MCTP1: variants seen among roughly 807,000 people sequenced by gnomAD.
MCTP1 encodes the protein multiple C2 and transmembrane domain-containing protein 1.
Under a neutral mutation model 120.6 loss-of-function variants are expected in MCTP1, and 69 were observed. The ratio of observed to expected loss-of-function variants is 0.57; its 90% CI spans 0.47 to 0.70. MCTP1 has a LOEUF of 0.70. Ranked by LOEUF, MCTP1 falls within the 30% of genes least tolerant of loss-of-function variation. The probability of loss-of-function intolerance (pLI) is 0.00; values close to 1 mark genes in which losing one functional copy is unlikely to be tolerated. For missense variants in MCTP1, 1,203 were observed against 1,248.8 expected, an observed-to-expected ratio of 0.96 and a Z score of 0.55; for synonymous variants, 529 against 493.1, an observed-to-expected ratio of 1.07 and a Z score of -0.96.
chr5:95,096,692 A>G (rs1756294896), intron 1 of MCTP1, among the ~76,000 whole-genome samples: 1 of 152,228 alleles, frequency 6.6e-6, no homozygotes, highest in Non-Finnish European at 1.5e-5. Flanking sequence ...ACAGAGCTAC[A>G]TGAAACAAAT....
chr5:94,988,292 A>G (rs1181425234), intron 2 of MCTP1, among the ~76,000 whole-genome samples: 1 of 133,036 alleles, frequency 7.5e-6, no homozygotes, highest in Admixed American at 8.7e-5. Context: ...GAATACCTTT[A>G]CGTTAACAGA....
chr5:94,960,392 A>G (rs1823835401), intron 2 of MCTP1, among the ~76,000 whole-genome samples: 1 of 152,184 alleles, frequency 6.6e-6, no homozygotes, highest in South Asian at 2.1e-4. Flanking sequence ...ACCAAAAGCA[A>G]TGTCAACAAA....
chr5:94,949,735 A>G (rs1260430920), intron 3 of MCTP1, among the ~76,000 whole-genome samples: 1 of 152,112 alleles, frequency 6.6e-6, no homozygotes, highest in African/African-American at 2.4e-5. Context: ...AGGGTCGTAT[A>G]CTTAATGTGT....
chr5:95,192,297 A>T (rs575309205), intron 1 of MCTP1, among the ~76,000 whole-genome samples: 1 of 152,058 alleles, frequency 6.6e-6, no homozygotes, highest in African/African-American at 2.4e-5. Context: ...AATACAGTAC[A>T]TTAAGAATTT....
intron 1 of MCTP1, among the ~76,000 whole-genome samples, chr5:95,246,736 A>C (rs769393782): frequency 1.4e-4 from 22 of 152,170 alleles, no homozygotes; most frequent in Non-Finnish European, 3.1e-4. Flanking sequence ...CCCCACTGTC[A>C]ATATTAGACA....
chr5:95,234,715 C>G (rs760077570), intron 1 of MCTP1, among the ~76,000 whole-genome samples: 2 of 152,154 alleles, frequency 1.3e-5, no homozygotes, highest in African/African-American at 2.4e-5. Flanking sequence ...AAATGACATT[C>G]TCAATCAAAA....
intron 1 of MCTP1, among the ~76,000 whole-genome samples, chr5:95,236,107 T>C (rs894349903): frequency 4.6e-5 from 7 of 152,116 alleles, no homozygotes; most frequent in Non-Finnish European, 8.8e-5. Flanking sequence ...ATGGAACAGA[T>C]TGGGACTTCT....
At chr5:94,939,911 A>G (rs1025715671) in intron 5 of MCTP1, among the ~76,000 whole-genome samples, 173 bp downstream of exon 5, 1 of 152,084 alleles carries the variant, frequency 6.6e-6, no homozygotes, top group African/African-American at 2.4e-5. Context: ...ATAGGAAATT[A>G]GAGTTGAAAA....
rs112327721 is a variant in MCTP1, at chr5:94,797,047, G to A, written c.2556+1966C>T. 3.4e-3 allele frequency among the ~76,000 whole-genome samples: 514 copies of A among 151,886 alleles called. 3 individuals are homozygous for A. The highest frequency in any genetic ancestry group is 0.012 in the African/African-American group (489 of 41,412). ...GAGATGTACTAAAAGGAAAAGATTT[G>A]GTAAATACTATTTTGAAGCTATATT... is the stretch of plus-strand genomic sequence containing the variant. On this transcript the variant is annotated intron_variant, in intron 18 of 22. Coordinates refer to ENST00000515393, the MANE Select transcript of MCTP1 (RefSeq NM_024717.7).
intron 17 of MCTP1, among the ~76,000 whole-genome samples, chr5:94,847,682 G>GTGTGTA (rs1169588105): frequency 1.3e-4 from 13 of 102,404 alleles, no homozygotes; most frequent in Non-Finnish European, 1.6e-4. Flanking sequence ...GTGTGTGTGT[G>GTGTGTA]TATATATATA....
intron 1 of MCTP1, among the ~76,000 whole-genome samples, chr5:95,162,310 G>A (rs1234479999): frequency 6.6e-6 from 1 of 152,060 alleles, no homozygotes; most frequent in Non-Finnish European, 1.5e-5. Flanking sequence ...CTTACCAGAA[G>A]ACAACAAAAG....
intron 17 of MCTP1, among the ~76,000 whole-genome samples, chr5:94,821,634 T>C (rs1785676971): frequency 6.6e-6 from 1 of 152,170 alleles, no homozygotes; most frequent in African/African-American, 2.4e-5. Flanking sequence ...TTAGTATGTT[T>C]CAGAAACTGT....
chr5:95,117,851 A>G (rs948802124), intron 1 of MCTP1, among the ~76,000 whole-genome samples: 1 of 152,224 alleles, frequency 6.6e-6, no homozygotes, highest in East Asian at 1.9e-4. Context: ...GAATGAGATC[A>G]TGTTTTTTGC....
intron 2 of MCTP1, among the ~76,000 whole-genome samples, chr5:94,968,783 C>A (rs1826152732): frequency 6.6e-6 from 1 of 152,286 alleles, no homozygotes; most frequent in Admixed American, 6.5e-5. Context: ...TTTGAAGTTC[C>A]CAGGCATTTT....
intron 1 of MCTP1, among the ~76,000 whole-genome samples, chr5:95,243,234 A>G (rs1482445379): frequency 2.6e-5 from 4 of 152,234 alleles, no homozygotes; most frequent in Non-Finnish European, 5.9e-5. Context: ...AAAAAGAGGG[A>G]AATATAAAAT....
At chr5:94,889,453 G>A (rs1297390850) in intron 11 of MCTP1, among the ~76,000 whole-genome samples, 2 of 151,952 alleles carry the variant, frequency 1.3e-5, no homozygotes. Flanking sequence ...AGCCAGGCGT[G>A]GTGGCGGGCA....
chr5:94,955,349 A>G (rs183249694), intron 2 of MCTP1, among the ~76,000 whole-genome samples: 84 of 152,326 alleles, frequency 5.5e-4, no homozygotes, highest in African/African-American at 1.7e-3. Context: ...TCATTTGGGC[A>G]GACACTGAGC....
chr5:95,149,604 G>A (rs989950484), intron 1 of MCTP1, among the ~76,000 whole-genome samples: 1 of 152,166 alleles, frequency 6.6e-6, no homozygotes, highest in Non-Finnish European at 1.5e-5. Flanking sequence ...CAAGGGCAGG[G>A]TCACTGTGCT....
At chr5:95,052,511 C>T (rs1284801038) in intron 1 of MCTP1, among the ~76,000 whole-genome samples, 1 of 152,196 alleles carries the variant, frequency 6.6e-6, no homozygotes, top group Non-Finnish European at 1.5e-5. Flanking sequence ...CAAGTACTCT[C>T]CTGCCACTCC....
Sources: gnomAD v4.1 joint callset for allele counts (sites outside exome capture counted in the v4.1 genomes callset) on GRCh38, gnomAD v4.1.1 for gene constraint, MANE v1.5 for transcripts, NCBI Gene and HGNC (gene_info 2026-07-23, HGNC 2026-07-21) for gene names.